LPL: variants seen among roughly 807,000 people sequenced by gnomAD.
LPL encodes phospholipase A1.
LPL carries 43 observed loss-of-function variants against 52.2 expected under a neutral mutation model. The observed-to-expected ratio is 0.82, with a 90% CI of 0.64 to 1.06. LPL has a LOEUF of 1.06. Among genes scored for constraint, LPL ranks in the 50% least tolerant of loss-of-function variants. The pLI is 0.00. For synonymous variants in LPL, 244 were observed against 215.6 expected (o/e 1.13, Z -1.15); for missense variants, 639 against 585.3 (o/e 1.09, Z -0.95).
chr8:19,956,171 G>C (rs1310406797), intron 6 of LPL, 88 bp downstream of exon 6: 27 of 1,565,996 alleles, frequency 1.7e-5, no homozygotes, highest in Non-Finnish European at 2.3e-5. Context: ...CTGTCCATTG[G>C]AACAGAGATG....
intron 1 of LPL, among the ~76,000 whole-genome samples, chr8:19,945,659 T>A (rs1471284494): frequency 6.6e-6 from 1 of 152,138 alleles, no homozygotes; most frequent in Non-Finnish European, 1.5e-5. Context: ...ACAAAGCCAG[T>A]CTTAGTCATT....
intron 1 of LPL, among the ~76,000 whole-genome samples, chr8:19,947,178 C>T (rs897491627): frequency 6.6e-6 from 1 of 152,168 alleles, no homozygotes; most frequent in East Asian, 1.9e-4. Flanking sequence ...ATGCTTCCAA[C>T]TTTTCTTTAA....
In LPL at chr8:19,939,343, A is replaced by G. The variant is rs1590134135; in HGVS notation, c.-98A>G. 2 of 1,193,022 alleles carry G rather than the reference A, an allele frequency of 1.7e-6. No homozygotes were observed. Among genetic ancestry groups the G allele is most frequent in the African/African-American group, 1.5e-5 (1 of 66,104 alleles). The allele number at this position is 1,193,022 out of a possible 1,614,324, so 73.9% of individuals were successfully genotyped here. A position where few individuals can be genotyped will look rare whatever the true frequency, so the allele number is the denominator to read the frequency against. ...ATCCCCTTTAAAGGGCGACTTGCTC[A>G]GCGCCAAACCGCGGCTCCAGCCCTC... On this transcript the variant is annotated 5_prime_UTR_variant, in exon 1 of 10. Transcript: ENST00000650287. This position sits in a 1 kb window ranked among gnomAD's most constrained non-coding sequence, Gnocchi z 4.0.
At chr8:19,943,820 G>C (rs1157165586) in intron 1 of LPL, among the ~76,000 whole-genome samples, 1 of 152,102 alleles carries the variant, frequency 6.6e-6, no homozygotes, top group Non-Finnish European at 1.5e-5. Context: ...TAATATTGGA[G>C]AAAATTCAGG....
rs1448213640 is a variant in LPL at position 19,956,004 on chromosome 8, G to A, written c.939G>A (p.Leu313=). 1.9e-6 allele frequency: 3 copies of A among 1,614,028 alleles called. No homozygotes were observed. The highest frequency in any genetic ancestry group is 2.7e-5 in the African/African-American group (2 of 74,908). ...LSCRKNRCNN[L]GYEINKVRAK... ...GTAGAAAGAACCGCTGCAACAATCT[G>A]GGCTATGAGATCAATAAAGTCAGAG... The change falls in exon 6 of 10, where the codon CTG becomes CTA. Residue 313 remains leucine (L), a synonymous_variant. Coordinates refer to ENST00000650287, the MANE Select transcript of LPL (RefSeq NM_000237.3).
At chr8:19,963,937 G>GT (rs946486953) in intron 9 of LPL, among the ~76,000 whole-genome samples, 7 of 150,680 alleles carry the variant, frequency 4.6e-5, no homozygotes, top group East Asian at 1.9e-4. Context: ...TTTAGATGAA[G>GT]TTTTTTTTGT....
At chr8:19,945,490 G>C (rs973917661) in intron 1 of LPL, among the ~76,000 whole-genome samples, 2 of 152,200 alleles carry the variant, frequency 1.3e-5, no homozygotes, top group African/African-American at 4.8e-5. Context: ...AAAGTGAAAT[G>C]AAAGTCTCTA....
At chr8:19,965,075 A>C (rs542406912) in intron 9 of LPL, among the ~76,000 whole-genome samples, 4 of 152,032 alleles carry the variant, frequency 2.6e-5, no homozygotes, top group Non-Finnish European at 5.9e-5. Flanking sequence ...CCAGTCCTCC[A>C]AAAATGATGC....
chr8:19,953,284 A>G (rs778752724), intron 3 of LPL, 26 bp from the exon 4 acceptor site: 1 of 1,375,016 alleles, frequency 7.3e-7, no homozygotes, highest in Admixed American at 1.7e-5. Flanking sequence ...AACTGTAAGC[A>G]CCTTCATTTT....
chr8:19,945,662 T>G (rs2069877074), intron 1 of LPL, among the ~76,000 whole-genome samples: 1 of 152,172 alleles, frequency 6.6e-6, no homozygotes, highest in African/African-American at 2.4e-5. Context: ...AAGCCAGTCT[T>G]AGTCATTTCA....
chr8:19,940,836 G>A (rs1194589070), intron 1 of LPL, among the ~76,000 whole-genome samples: 1 of 152,210 alleles, frequency 6.6e-6, no homozygotes, highest in Admixed American at 6.5e-5. Flanking sequence ...CACCCATGTA[G>A]TCCCAGCACT....
At chr8:19,949,867 G>C (rs552611952) in intron 2 of LPL, among the ~76,000 whole-genome samples, 2 of 152,292 alleles carry the variant, frequency 1.3e-5, no homozygotes, top group Admixed American at 6.5e-5. Context: ...CTTAATAAAC[G>C]CATTTATACA....
chr8:19,942,224 T>G (rs569658290), intron 1 of LPL, among the ~76,000 whole-genome samples: 1 of 152,304 alleles, frequency 6.6e-6, no homozygotes, highest in South Asian at 2.1e-4. Flanking sequence ...GCCATAGAGT[T>G]TACTGCCTTA....
chr8:19,947,629 T>G (rs2069892646), intron 1 of LPL, among the ~76,000 whole-genome samples: 1 of 148,534 alleles, frequency 6.7e-6, no homozygotes, highest in Admixed American at 6.7e-5. Flanking sequence ...CAAGACCCTG[T>G]CTCAAAAAAC....
intron 9 of LPL, among the ~76,000 whole-genome samples, chr8:19,962,996 T>C (rs930659352): frequency 6.6e-6 from 1 of 152,116 alleles, no homozygotes; most frequent in Non-Finnish European, 1.5e-5. Flanking sequence ...CAAGTGCTAA[T>C]GGGTTACAGG....
At chr8:19,940,783 T>C (rs1413668220) in intron 1 of LPL, among the ~76,000 whole-genome samples, 1 of 152,230 alleles carries the variant, frequency 6.6e-6, no homozygotes, top group African/African-American at 2.4e-5. Context: ...GTGAAACATT[T>C]TTGTTAGGTT....
At chr8:19,941,723 A>C (rs944544423) in intron 1 of LPL, among the ~76,000 whole-genome samples, 3 of 152,190 alleles carry the variant, frequency 2.0e-5, no homozygotes, top group Non-Finnish European at 2.9e-5. Context: ...CTCCAGATGC[A>C]TTCATCTAGG....
chr8:19,957,087 T>C (rs1214969273), intron 6 of LPL, among the ~76,000 whole-genome samples: 1 of 152,150 alleles, frequency 6.6e-6, no homozygotes, highest in African/African-American at 2.4e-5. Context: ...GCCTCATCTG[T>C]CTTTTTAAAT....
chr8:19,961,866 G>C (rs1160402535), intron 8 of LPL, among the ~76,000 whole-genome samples: 1 of 152,160 alleles, frequency 6.6e-6, no homozygotes, highest in Admixed American at 6.6e-5. Flanking sequence ...AGTAACATAA[G>C]ACTGCTCTAG....
Sources: allele counts gnomAD v4.1 joint callset (sites outside exome capture counted in the v4.1 genomes callset), GRCh38; gene constraint gnomAD v4.1.1; non-coding constraint Gnocchi (gnomAD v3.1); transcripts MANE v1.5; gene names NCBI Gene and HGNC (gene_info 2026-07-23, HGNC 2026-07-21).